ACAN: variants seen among roughly 807,000 people sequenced by gnomAD.
ACAN encodes the protein aggrecan.
A neutral mutation model predicts 169.1 loss-of-function variants in ACAN; 47 were observed. That is an observed-to-expected ratio of 0.28 (90% CI 0.22 to 0.35). The LOEUF is 0.35. Ranked by LOEUF, ACAN falls within the 10% of genes least tolerant of loss-of-function variation. The pLI, the probability that ACAN is intolerant of heterozygous loss-of-function variation, is 1.00. For missense variants in ACAN, 2,716 were observed against 2,759.9 expected (o/e 0.98, Z 0.36); for synonymous variants, 1,115 against 1,112.2 (o/e 1.00, Z -0.05).
At position 88,847,336 on chromosome 15, in the gene ACAN, C is replaced by T. The variant is rs2141585874; in HGVS notation, c.1523C>T (p.Ala508Val). 5.7e-6 allele frequency: 9 copies of T among 1,583,368 alleles called. No individual in the cohort carries two copies. Among genetic ancestry groups the T allele is most frequent in the Non-Finnish European group, 7.7e-6 (9 of 1,165,878 alleles). ...QACLRTGAVIASPEQLQAAYE... is the reference protein window; with the variant it reads ...QACLRTGAVIVSPEQLQAAYE... ...TGCCTGCGCACGGGGGCGGTCATTG[C>T]CTCGCCGGAGCAGCTCCAGGCCGCC... The change falls in exon 8 of 19, where the codon GCC (alanine) becomes GTC (valine). Residue 508 changes from alanine to valine, a missense_variant. Ala to Val is a moderately conservative substitution (Grantham distance 64). Around this residue, in one of 3 missense-constraint regions of ACAN, gnomAD observed 1,283 missense variants for 1,281.5 expected, o/e 1.00. Transcript: ENST00000560601.
At position 88,873,850 on chromosome 15, in the gene ACAN, G is replaced by C. The variant is rs202059945; in HGVS notation, c.7456G>C (p.Gly2486Arg). Reference protein sequence around the residue: ...FTCKKGTVACGEPPVVEHART... With the variant: ...FTCKKGTVACREPPVVEHART... Reference sequence around the variant, plus strand: ...GGGTGTTTGCCCCTCAGTGGCCTGCGGAGAGCCCCCTGTGGTGGAGCATGC... The same window carrying C: ...GGGTGTTTGCCCCTCAGTGGCCTGCCGAGAGCCCCCTGTGGTGGAGCATGC... The change falls in exon 18 of 19, where the codon GGA becomes CGA. Residue 2486 changes from glycine (G) to arginine (R), a missense_variant. Physicochemically the swap from Gly to Arg is moderately radical, Grantham distance 125. Coordinates refer to ENST00000560601, the MANE Select transcript of ACAN (RefSeq NM_001369268.1). This position sits in a 1 kb window ranked among gnomAD's most constrained non-coding sequence, Gnocchi z 7.5. 66 of 1,613,580 alleles carry C rather than the reference G, an allele frequency of 4.1e-5. No individual in the cohort carries two copies. The highest frequency in any genetic ancestry group is 5.1e-5 in the Non-Finnish European group (60 of 1,179,872).
At chr15:88,827,010 A>C (rs529324266) in intron 1 of ACAN, among the ~76,000 whole-genome samples, 6 of 152,142 alleles carry the variant, frequency 3.9e-5, no homozygotes, top group African/African-American at 1.2e-4. Flanking sequence ...CTTCCTTCCT[A>C]TGAAGACTGT....
Position 88,849,480 on chromosome 15 carries a change from A to G in ACAN, c.1775A>G (p.Gln592Arg). 6.2e-7 allele frequency: 1 copy of G among 1,606,040 alleles called. No individual in the cohort carries two copies. The highest frequency in any genetic ancestry group is 8.5e-7 in the Non-Finnish European group (1 of 1,174,912). Residue 592 changes from glutamine to arginine, a missense_variant, in exon 10 of 19, where the codon CAG becomes CGG. Transcript: ENST00000560601. The surrounding 1 kb of genome is among the most constrained non-coding windows in gnomAD (Gnocchi z 5.1). ...FATRLEQFTFQEALEFCESHN... is the reference protein window; with the variant it reads ...FATRLEQFTFREALEFCESHN... Reference sequence around the variant, plus strand: ...ACACGCCTTGAGCAGTTCACCTTCCAGGAAGCACTGGAGTTCTGTGAATCT... The same window carrying G: ...ACACGCCTTGAGCAGTTCACCTTCCGGGAAGCACTGGAGTTCTGTGAATCT...
chr15:88,814,572 T>A lies in ACAN; in HGVS notation c.-8+10763T>A, dbSNP rs1462177280. Among the ~76,000 whole-genome samples, 3 of 152,084 alleles carry A rather than the reference T, an allele frequency of 2.0e-5. No individual in the cohort carries two copies. The highest frequency in any genetic ancestry group is 7.2e-5 in the African/African-American group (3 of 41,410). ...TGATAGGCCTGGAAAGTGTGGCAGG[T>A]TCTGCTGTACACAGGGCTCCCACAA... On this transcript the variant is annotated intron_variant, in intron 1 of 18. Coordinates refer to ENST00000560601, the MANE Select transcript of ACAN (RefSeq NM_001369268.1). This position sits in a 1 kb window ranked among gnomAD's most constrained non-coding sequence, Gnocchi z 4.0.
chr15:88,809,344 A>G (rs1446859942), intron 1 of ACAN, among the ~76,000 whole-genome samples: 1 of 151,978 alleles, frequency 6.6e-6, no homozygotes, highest in Admixed American at 6.5e-5. Flanking sequence ...TGGCCATATG[A>G]CCTAGGGGAA....
chr15:88,804,881 C>G (rs1362868697), intron 1 of ACAN, among the ~76,000 whole-genome samples: 2 of 152,156 alleles, frequency 1.3e-5, no homozygotes, highest in African/African-American at 4.8e-5. Context: ...AAATACAAAG[C>G]TGAATTGGGT....
At position 88,843,491 on chromosome 15, in the gene ACAN, C is replaced by T. The variant is rs576947078; in HGVS notation, c.894C>T (p.Ser298=). Residue 298 remains serine, a synonymous_variant, in exon 6 of 19, where the codon AGC becomes AGT. Coordinates refer to ENST00000560601, the MANE Select transcript of ACAN (RefSeq NM_001369268.1). The surrounding 1 kb of genome is among the most constrained non-coding windows in gnomAD (Gnocchi z 4.0). ...LAWQAGMDMC[S]AGWLADRSVR... is the part of the protein sequence containing the mutation. ...GGCAGGCTGGCATGGACATGTGCAG[C>T]GCCGGCTGGCTGGCCGACCGCAGCG... 110 of 1,611,958 alleles carry T rather than the reference C, an allele frequency of 6.8e-5. No homozygotes were observed. The highest frequency in any genetic ancestry group is 3.3e-4 in the Middle Eastern group (2 of 6,062).
In ACAN at chr15:88,858,459, T is replaced by C; in HGVS notation, c.5874T>C (p.Pro1958=). Residue 1958 remains proline, a synonymous_variant, in exon 12 of 19, where the codon CCT becomes CCC. Transcript: ENST00000560601. The surrounding 1 kb of genome is among the most constrained non-coding windows in gnomAD (Gnocchi z 4.0). ...APTAQEAGEG[P]SGILELSGAH... ...CAGCCCAAGAGGCAGGAGAAGGGCC[T>C]TCTGGCATTTTAGAACTCAGTGGTG... 6.2e-7 allele frequency: 1 copy of C among 1,613,714 alleles called. No individual in the cohort carries two copies. The highest frequency in any genetic ancestry group is 1.1e-5 in the South Asian group (1 of 91,084).
Position 88,848,026 on chromosome 15 carries a change from G to T in ACAN, c.1720G>T (p.Asp574Tyr). Residue 574 changes from aspartate to tyrosine, a missense_variant, in exon 9 of 19, where the codon GAC becomes TAC. Coordinates refer to ENST00000560601, the MANE Select transcript of ACAN (RefSeq NM_001369268.1). ...TETYDVYCFV[D>Y]RLEGEVFFAT... ...GACCTACGATGTCTACTGCTTTGTA[G>T]ACAGACTTGAGGGTACAAGCCACAT... is the stretch of plus-strand genomic sequence containing the variant. 1.2e-6 allele frequency: 2 copies of T among 1,613,724 alleles called. No homozygotes were observed. The highest frequency in any genetic ancestry group is 1.7e-6 in the Non-Finnish European group (2 of 1,179,786).
At chr15:88,864,876 T>C (rs1022193056) in intron 13 of ACAN, among the ~76,000 whole-genome samples, 2 of 152,218 alleles carry the variant, frequency 1.3e-5, no homozygotes, top group African/African-American at 4.8e-5. Context: ...TCTTTATGAG[T>C]GGCAACCCTT....
intron 13 of ACAN, among the ~76,000 whole-genome samples, chr15:88,864,566 A>G (rs774075575): frequency 1.3e-5 from 2 of 152,206 alleles, no homozygotes; most frequent in Non-Finnish European, 2.9e-5. Flanking sequence ...CGCTGGGCCT[A>G]TATTTTTAAT....
At chr15:88,833,144 A>C (rs1045462738) in intron 1 of ACAN, among the ~76,000 whole-genome samples, 25 of 152,304 alleles carry the variant, frequency 1.6e-4, no homozygotes, top group African/African-American at 6.0e-4. Context: ...CAGGTAGACA[A>C]CCATGGGGTA....
chr15:88,863,791 G>T (rs879772257), intron 13 of ACAN, among the ~76,000 whole-genome samples: 6 of 152,234 alleles, frequency 3.9e-5, no homozygotes, highest in Non-Finnish European at 8.8e-5. Context: ...TGAAAATATA[G>T]GGTTGCAAGT....
chr15:88,835,435 G>C (rs943572337), intron 1 of ACAN, among the ~76,000 whole-genome samples: 2 of 152,086 alleles, frequency 1.3e-5, no homozygotes, highest in African/African-American at 4.8e-5. Flanking sequence ...GAGACAGAGA[G>C]AGAGAGAATT....
Position 88,851,441 on chromosome 15 carries a change from T to C in ACAN, c.2027-353T>C, listed in dbSNP as rs1012740309. The C allele has an allele frequency of 2.4e-5, 5 of 208,798 alleles. No individual in the cohort carries two copies. Among genetic ancestry groups the C allele is most frequent in the Non-Finnish European group, 4.8e-5 (5 of 104,624 alleles). 12.9% of individuals were successfully genotyped at this position (208,798 alleles called of 1,614,324 possible). On this transcript the variant is annotated intron_variant, in intron 10 of 18. Coordinates refer to ENST00000560601, the MANE Select transcript of ACAN (RefSeq NM_001369268.1). The surrounding 1 kb of genome is among the most constrained non-coding windows in gnomAD (Gnocchi z 4.3). ...TGACTCTGGGCAAATCATGTAACTC[T>C]GTGCCTCAGTTTCCCCATCTGTAAA...
chr15:88,810,431 G>A (rs975160395), intron 1 of ACAN, among the ~76,000 whole-genome samples: 1 of 152,012 alleles, frequency 6.6e-6, no homozygotes, highest in Non-Finnish European at 1.5e-5. Context: ...AGAAAACCTG[G>A]CCTTCTCGCC....
intron 1 of ACAN, among the ~76,000 whole-genome samples, chr15:88,808,893 A>T (rs924254666): frequency 1.5e-5 from 2 of 132,696 alleles, no homozygotes; most frequent in Non-Finnish European, 3.4e-5. Flanking sequence ...AATAAATGAA[A>T]AGGAAAAGAA....
intron 1 of ACAN, among the ~76,000 whole-genome samples, chr15:88,815,986 C>T (rs146815028): frequency 6.6e-6 from 1 of 152,198 alleles, no homozygotes; most frequent in African/African-American, 2.4e-5. Flanking sequence ...TTCCTTGCCC[C>T]TTCCTGGCTT....
In ACAN at chr15:88,871,933, G is replaced by A. The variant is rs763607781; in HGVS notation, c.7220-70G>A. 71 of 1,381,322 alleles carry A rather than the reference G, an allele frequency of 5.1e-5. No individual in the cohort carries two copies. The highest frequency in any genetic ancestry group is 3.5e-4 in the Middle Eastern group (2 of 5,670). The allele number at this position is 1,381,322 out of a possible 1,614,324, so 85.6% of individuals were successfully genotyped here. ...TTCCTCCTCCATCCCCTCTGCCTCCGTGAGCTCAAGTTTCTCAGACACCCT... is the reference window on the plus strand; with the variant it reads ...TTCCTCCTCCATCCCCTCTGCCTCCATGAGCTCAAGTTTCTCAGACACCCT... On this transcript the variant is annotated intron_variant, in intron 15 of 18. Coordinates refer to ENST00000560601, the MANE Select transcript of ACAN (RefSeq NM_001369268.1). The surrounding 1 kb of genome is among the most constrained non-coding windows in gnomAD (Gnocchi z 7.8).
Sources: gnomAD v4.1 joint callset for allele counts (sites outside exome capture counted in the v4.1 genomes callset) on GRCh38, gnomAD v4.1.1 for gene constraint, gnomAD v4.1.1 regional missense constraint, Gnocchi (gnomAD v3.1) non-coding constraint, MANE v1.5 for transcripts, NCBI Gene and HGNC (gene_info 2026-07-23, HGNC 2026-07-21) for gene names.